The following PAX5 variants were observed in gnomAD, a reference collection of about 807,000 sequenced individuals.
The protein encoded by PAX5 is paired box protein Pax-5.
In PAX5, 9 loss-of-function variants were observed where a neutral mutation model predicts 43.7. The ratio of observed to expected loss-of-function variants is 0.21; its 90% confidence interval spans 0.12 to 0.36. PAX5 has a LOEUF of 0.36. PAX5 is among the 10% of genes least tolerant of loss of function. The probability of loss-of-function intolerance (pLI) is 1.00; values close to 1 mark genes in which losing one functional copy is unlikely to be tolerated. For missense variants in PAX5, 383 were observed against 532.7 expected (o/e 0.72, Z 2.77); for synonymous variants, 228 against 214.3 (o/e 1.06, Z -0.56).
intron 1 of PAX5, chr9:37,026,631 C>T (rs1840406029): frequency 7.4e-7 from 1 of 1,351,292 alleles, no homozygotes; most frequent in Non-Finnish European, 9.7e-7. Flanking sequence ...CGCCAAGGGG[C>T]TGCCCAGGGC....
intron 7 of PAX5, among the ~76,000 whole-genome samples, chr9:36,910,127 C>T (rs532546056): frequency 1.6e-4 from 24 of 152,120 alleles, no homozygotes; most frequent in South Asian, 2.1e-4. Flanking sequence ...TTTTGATAGC[C>T]GATATGTTGA....
In PAX5 at chr9:36,882,250, G is replaced by A. The variant is rs539368098; in HGVS notation, c.911-145C>T. 7 of 594,696 alleles carry A rather than the reference G, an allele frequency of 1.2e-5. No homozygotes were observed. The highest frequency in any genetic ancestry group is 3.0e-5 in the East Asian group (1 of 33,742). 36.8% of individuals were successfully genotyped at this position (594,696 alleles called of 1,614,324 possible). On this transcript the variant is annotated intron_variant, in intron 7 of 9. Transcript: ENST00000358127. This position sits in a 1 kb window ranked among gnomAD's most constrained non-coding sequence, Gnocchi z 4.4. ...CCCAGCTCCCCCCTGTCGCTCACAC[G>A]CTCTCACAAACACACATACACACAC...
At chr9:36,845,889 G>A (rs1049304455) in intron 9 of PAX5, among the ~76,000 whole-genome samples, 1 of 152,214 alleles carries the variant, frequency 6.6e-6, no homozygotes, top group African/African-American at 2.4e-5. Flanking sequence ...CTTCCTTAAG[G>A]AGGCCTTGTT....
At chr9:36,898,012 C>T (rs180765635) in intron 7 of PAX5, among the ~76,000 whole-genome samples, 1 of 152,278 alleles carries the variant, frequency 6.6e-6, no homozygotes, top group East Asian at 1.9e-4. Flanking sequence ...CCAGCAAATG[C>T]CTGTGCCTCG....
intron 8 of PAX5, among the ~76,000 whole-genome samples, chr9:36,863,686 C>T (rs995058469): frequency 6.6e-6 from 1 of 152,064 alleles, no homozygotes. Flanking sequence ...GCAAGTTACT[C>T]TGTGCAAGCC....
intron 2 of PAX5, among the ~76,000 whole-genome samples, chr9:37,016,473 G>A (rs1839394352): frequency 6.6e-6 from 1 of 152,124 alleles, no homozygotes; most frequent in African/African-American, 2.4e-5. Flanking sequence ...CATGCTATCA[G>A]CATTTGCTCA....
At chr9:37,028,735 C>CA (rs1840674360) in intron 1 of PAX5, among the ~76,000 whole-genome samples, 1 of 152,220 alleles carries the variant, frequency 6.6e-6, no homozygotes, top group Non-Finnish European at 1.5e-5. Flanking sequence ...ATTCTATCTG[C>CA]AAGGGTCAAG....
chr9:36,889,843 T>C (rs770736233), intron 7 of PAX5, among the ~76,000 whole-genome samples: 15 of 149,584 alleles, frequency 1.0e-4, no homozygotes, highest in Non-Finnish European at 1.9e-4. Context: ...CTCCACAAAA[T>C]AACCAGGCCT....
At chr9:37,005,514 G>T (rs1010870944) in intron 4 of PAX5, among the ~76,000 whole-genome samples, 8 of 152,244 alleles carry the variant, frequency 5.3e-5, no homozygotes, top group Admixed American at 2.0e-4. Context: ...GGAAACTGAG[G>T]CTCAGGGAGG....
intron 8 of PAX5, among the ~76,000 whole-genome samples, chr9:36,879,124 C>T (rs1587848488): frequency 6.6e-6 from 1 of 152,344 alleles, no homozygotes; most frequent in Middle Eastern, 3.4e-3. Flanking sequence ...TCCCATGGGG[C>T]CCTGGGGCTG....
intron 6 of PAX5, chr9:36,931,074 C>T (rs940539945): frequency 2.4e-6 from 1 of 423,088 alleles, no homozygotes; most frequent in Non-Finnish European, 4.8e-6. Context: ...GGAGGCCTCC[C>T]TGTCACCTGC....
chr9:36,883,813 TGAG>T (rs1476968673), intron 7 of PAX5, among the ~76,000 whole-genome samples: 3 of 151,892 alleles, frequency 2.0e-5, no homozygotes, highest in Non-Finnish European at 4.4e-5. Context: ...AGATAAAGGA[TGAG>T]GAGACATTAT....
intron 5 of PAX5, 26 bp from the exon 6 acceptor site, chr9:36,966,750 G>T (rs754316889): frequency 1.9e-6 from 3 of 1,606,910 alleles, no homozygotes; most frequent in Non-Finnish European, 2.6e-6. Context: ...GAGAGGAAGG[G>T]TGAGTGGAGG....
chr9:36,912,701 C>G (rs1829400033), intron 7 of PAX5, among the ~76,000 whole-genome samples: 1 of 152,154 alleles, frequency 6.6e-6, no homozygotes, highest in Non-Finnish European at 1.5e-5. Flanking sequence ...CCCACCCTAC[C>G]CAGGTATGGT....
chr9:37,001,911 G>C (rs1837900223), intron 5 of PAX5, among the ~76,000 whole-genome samples: 1 of 146,682 alleles, frequency 6.8e-6, no homozygotes, highest in Non-Finnish European at 1.5e-5. Context: ...GCCAGTACTG[G>C]CAGCCCATAC....
At chr9:36,850,468 T>C in intron 8 of PAX5, among the ~76,000 whole-genome samples, 1 of 152,204 alleles carries the variant, frequency 6.6e-6, no homozygotes, top group East Asian at 1.9e-4. Flanking sequence ...CTTCTGTCTT[T>C]TGTTGCGGCC....
At position 36,840,293 on chromosome 9, in the gene PAX5, A is replaced by G. The variant is rs1821933042; in HGVS notation, c.*267T>C. ...CTGGGCTGGGGCTGCGGTTATTTGC[A>G]GGACAGTCTATTGGTTTGCAGAGAC... On this transcript the variant is annotated 3_prime_UTR_variant, in exon 10 of 10. Transcript: ENST00000358127. 7 of 573,920 alleles carry G rather than the reference A, an allele frequency of 1.2e-5. No homozygotes were observed. In the East Asian group the frequency reaches 2.1e-4, roughly 17 times the overall value. The allele number at this position is 573,920 out of a possible 1,614,324, so 35.6% of individuals were successfully genotyped here. A position where few individuals can be genotyped will look rare whatever the true frequency, so the allele number is the denominator to read the frequency against.
chr9:36,868,534 G>A (rs1356963809), intron 8 of PAX5, among the ~76,000 whole-genome samples: 1 of 152,214 alleles, frequency 6.6e-6, no homozygotes, highest in African/African-American at 2.4e-5. Flanking sequence ...GTCAAACACA[G>A]ACAGGTGAGG....
intron 5 of PAX5, among the ~76,000 whole-genome samples, chr9:36,966,936 CTG>C (rs1834496235): frequency 6.6e-6 from 1 of 152,238 alleles, no homozygotes; most frequent in African/African-American, 2.4e-5. Flanking sequence ...GTGCCAGGGA[CTG>C]TGCAAAGCCC....
Sources: gnomAD v4.1 joint callset for allele counts (sites outside exome capture counted in the v4.1 genomes callset) on GRCh38, gnomAD v4.1.1 for gene constraint, Gnocchi (gnomAD v3.1) non-coding constraint, MANE v1.5 for transcripts, NCBI Gene and HGNC (gene_info 2026-07-23, HGNC 2026-07-21) for gene names.